Variants in DPF3 observed in about 807,000 individuals in gnomAD.
DPF3 encodes zinc finger protein DPF3.
In DPF3, 18 loss-of-function variants were observed where a neutral mutation model predicts 56.8. The observed-to-expected ratio is 0.32, with a 90% CI of 0.22 to 0.47. DPF3 has a LOEUF of 0.47. Ranked by LOEUF, DPF3 falls within the 20% of genes least tolerant of loss-of-function variation. DPF3 has a pLI of 1.00. For missense variants in DPF3, 403 were observed against 488.8 expected (o/e 0.82, Z 1.65); for synonymous variants, 188 against 180.2 (o/e 1.04, Z -0.35).
chr14:72,689,369 T>G (rs1325837568), intron 7 of DPF3, among the ~76,000 whole-genome samples: 1 of 152,142 alleles, frequency 6.6e-6, no homozygotes, highest in Non-Finnish European at 1.5e-5. Flanking sequence ...CCTGCAGCTC[T>G]GCTAAAGGGG....
chr14:72,769,288 A>C (rs139410118), intron 2 of DPF3, among the ~76,000 whole-genome samples: 250 of 152,294 alleles, frequency 1.6e-3, no homozygotes, highest in Admixed American at 2.2e-3. Flanking sequence ...AGCTGATTTC[A>C]GTCCTGGAGA....
At chr14:72,764,501 T>G (rs1297779005) in intron 2 of DPF3, among the ~76,000 whole-genome samples, 21 of 137,206 alleles carry the variant, frequency 1.5e-4, no homozygotes, top group Admixed American at 1.1e-3. Context: ...TTTTTTTTTT[T>G]TTTTTTTTTT....
chr14:72,753,434 C>T, intron 2 of DPF3, 63 bp from the exon 3 acceptor site: 1 of 1,293,284 alleles, frequency 7.7e-7, no homozygotes, highest in Non-Finnish European at 1.1e-6. Flanking sequence ...GGAAACTACC[C>T]TGACTAACCC....
At chr14:72,679,516 G>A (rs915221452) in intron 7 of DPF3, among the ~76,000 whole-genome samples, 4 of 152,226 alleles carry the variant, frequency 2.6e-5, no homozygotes, top group Non-Finnish European at 5.9e-5. Flanking sequence ...GGGAAGTTGG[G>A]GTGCACAGCC....
At chr14:72,638,160 G>A (rs79076420) in intron 8 of DPF3, among the ~76,000 whole-genome samples, 2,101 of 152,308 alleles carry the variant, frequency 0.014, 56 homozygotes, top group African/African-American at 0.047. Flanking sequence ...GAGGGTCATC[G>A]GTATGAGCAA....
At chr14:72,688,190 A>ATGGATGGATGGG (rs1567200707) in intron 7 of DPF3, among the ~76,000 whole-genome samples, 2 of 38,776 alleles carry the variant, frequency 5.2e-5, no homozygotes, top group African/African-American at 1.8e-4. Flanking sequence ...GGATGGATGG[A>ATGGATGGATGGG]TGGGTGGGTG....
intron 1 of DPF3, among the ~76,000 whole-genome samples, chr14:72,860,108 G>A (rs1885337222): frequency 1.3e-5 from 2 of 152,176 alleles, no homozygotes; most frequent in South Asian, 2.1e-4. Flanking sequence ...GCTTAGCTGC[G>A]ATGTTGACCA....
intron 2 of DPF3, among the ~76,000 whole-genome samples, chr14:72,766,332 T>G (rs1398380006): frequency 2.0e-5 from 3 of 152,154 alleles, no homozygotes; most frequent in Admixed American, 6.6e-5. Context: ...AACTGAAAGA[T>G]GAAGGGAACC....
intron 6 of DPF3, among the ~76,000 whole-genome samples, chr14:72,705,692 A>T (rs763512809): frequency 1.3e-5 from 2 of 152,182 alleles, no homozygotes; most frequent in Non-Finnish European, 2.9e-5. Flanking sequence ...CACATCCCAC[A>T]TTCCCTTCTC....
In DPF3 at chr14:72,879,796, G is replaced by A. The variant is rs754736219; in HGVS notation, c.32+14261C>T. ...GTTCACACACGTCTCTCACACTGAG[G>A]TTCTTACCCTAGAGCCCATGGGCCT... On this transcript the variant is annotated intron_variant, in intron 1 of 10. Coordinates refer to ENST00000556509, the MANE Select transcript of DPF3 (RefSeq NM_001280542.3). 5 of 1,533,918 alleles carry A rather than the reference G, an allele frequency of 3.3e-6. No individual in the cohort carries two copies. The South Asian group carries it at 3.6e-5, about 11-fold the overall frequency.
intron 9 of DPF3, among the ~76,000 whole-genome samples, 172 bp from the exon 10 acceptor site, chr14:72,620,156 A>C (rs1029510621): frequency 3.9e-5 from 6 of 152,006 alleles, no homozygotes; most frequent in African/African-American, 1.5e-4. Flanking sequence ...TTTTCCCACA[A>C]CTGGAGTTTC....
At chr14:72,702,413 G>A (rs1888210642) in intron 6 of DPF3, among the ~76,000 whole-genome samples, 1 of 152,060 alleles carries the variant, frequency 6.6e-6, no homozygotes, top group Non-Finnish European at 1.5e-5. Context: ...CCTTGGAGCT[G>A]GGGATAGGGA....
chr14:72,885,479 C>T (rs924405352), intron 1 of DPF3, among the ~76,000 whole-genome samples: 7 of 152,072 alleles, frequency 4.6e-5, no homozygotes, highest in African/African-American at 1.7e-4. Context: ...TCACAGCTCA[C>T]TGCAGCCTCA....
intron 1 of DPF3, among the ~76,000 whole-genome samples, chr14:72,870,048 C>T (rs1032716238): frequency 2.6e-5 from 4 of 152,106 alleles, no homozygotes; most frequent in Admixed American, 6.6e-5. Flanking sequence ...CCATCAATTA[C>T]AACACATGGA....
intron 1 of DPF3, among the ~76,000 whole-genome samples, chr14:72,848,674 A>G (rs529340312): frequency 6.6e-6 from 1 of 152,296 alleles, no homozygotes; most frequent in African/African-American, 2.4e-5. Context: ...GGGCTAAACA[A>G]ACTGATTTAC....
At chr14:72,676,106 C>T (rs947837170) in intron 7 of DPF3, among the ~76,000 whole-genome samples, 10 of 152,098 alleles carry the variant, frequency 6.6e-5, no homozygotes, top group African/African-American at 2.2e-4. Context: ...GTTTCCTCAA[C>T]AAGATATGGA....
At chr14:72,888,076 C>T (rs1162205485) in intron 1 of DPF3, among the ~76,000 whole-genome samples, 1 of 152,106 alleles carries the variant, frequency 6.6e-6, no homozygotes, top group Non-Finnish European at 1.5e-5. Flanking sequence ...AGCATTGTTC[C>T]GCAGGCTCAG....
chr14:72,764,969 T>C (rs894509331), intron 2 of DPF3, among the ~76,000 whole-genome samples: 4 of 152,176 alleles, frequency 2.6e-5, no homozygotes, highest in African/African-American at 9.7e-5. Flanking sequence ...TCACAGTAGA[T>C]AGTGTCAAAG....
chr14:72,709,917 G>A (rs1038789473), intron 6 of DPF3, among the ~76,000 whole-genome samples: 7 of 152,272 alleles, frequency 4.6e-5, no homozygotes, highest in African/African-American at 1.2e-4. Context: ...AAAACACTTC[G>A]AGGAAAAAAG....
Sources: allele counts gnomAD v4.1 joint callset (sites outside exome capture counted in the v4.1 genomes callset), GRCh38; gene constraint gnomAD v4.1.1; transcripts MANE v1.5; gene names NCBI Gene and HGNC (gene_info 2026-07-23, HGNC 2026-07-21).